The following BRINP2 variants were observed in gnomAD, a reference collection of about 807,000 sequenced individuals.
BRINP2 encodes the protein BMP/retinoic acid-inducible neural-specific protein 2.
Under a neutral mutation model 69.2 loss-of-function variants are expected in BRINP2, and 21 were observed. The ratio of observed to expected loss-of-function variants is 0.30; its 90% CI spans 0.22 to 0.44. BRINP2 has a LOEUF of 0.44. Ranked by LOEUF, BRINP2 falls within the 20% of genes least tolerant of loss-of-function variation. The probability of loss-of-function intolerance (pLI) is 1.00; values close to 1 mark genes in which losing one functional copy is unlikely to be tolerated. For synonymous variants in BRINP2, 380 were observed against 394.1 expected (o/e 0.96, Z 0.42); for missense variants, 877 against 986.0 (o/e 0.89, Z 1.48).
Position 177,192,615 on chromosome 1 carries a change from T to C in BRINP2, c.-77+20883T>C, listed in dbSNP as rs546055195. ...ACATCACTCATCTCCCTGGTATAGA[T>C]GAGTTTCAACTTTTATTACTACCAA... On this transcript the variant is annotated intron_variant, in intron 1 of 7. Transcript: ENST00000361539. 5.3e-5 allele frequency among the ~76,000 whole-genome samples: 8 copies of C among 152,330 alleles called. No homozygotes were observed. The South Asian group carries it at 1.7e-3, about 32-fold the overall frequency.
chr1:177,269,366 A>G (rs1651234589), intron 4 of BRINP2, among the ~76,000 whole-genome samples: 1 of 152,232 alleles, frequency 6.6e-6, no homozygotes, highest in African/African-American at 2.4e-5. Flanking sequence ...ATTCCCCAGA[A>G]GGGATTAGAG....
intron 2 of BRINP2, among the ~76,000 whole-genome samples, chr1:177,246,655 G>A (rs1650394620): frequency 6.6e-6 from 1 of 152,204 alleles, no homozygotes; most frequent in Non-Finnish European, 1.5e-5. Context: ...AATAGAGAAG[G>A]TCAATGTCCC....
chr1:177,272,173 C>A (rs189368041), intron 4 of BRINP2, among the ~76,000 whole-genome samples: 21 of 152,196 alleles, frequency 1.4e-4, no homozygotes, highest in Non-Finnish European at 2.4e-4. Flanking sequence ...GGAACCAACA[C>A]AGATGGTGCC....
intron 4 of BRINP2, among the ~76,000 whole-genome samples, chr1:177,266,813 C>A (rs962098536): frequency 2.7e-5 from 4 of 150,584 alleles, no homozygotes; most frequent in Middle Eastern, 3.5e-3. Flanking sequence ...TTTTGTGAAG[C>A]CTTTCCTAAC....
chr1:177,180,051 ATGGG>A (rs1648201744), intron 1 of BRINP2, among the ~76,000 whole-genome samples: 1 of 152,218 alleles, frequency 6.6e-6, no homozygotes, highest in Non-Finnish European at 1.5e-5. Context: ...AGCAGATGAA[ATGGG>A]TGGGACAAGT....
In BRINP2 at chr1:177,182,190, GC is replaced by G. The variant is rs917080077; in HGVS notation, c.-77+10462del. Among the ~76,000 whole-genome samples the G allele has an allele frequency of 1.7e-4, 23 of 134,772 alleles. No individual in the cohort carries two copies. In the East Asian group the frequency reaches 4.3e-3, roughly 25 times the overall value. 88.4% of individuals were successfully genotyped at this position (134,772 alleles called of 152,430 possible). A position where few individuals can be genotyped will look rare whatever the true frequency, so the allele number is the denominator to read the frequency against. Reference sequence around the variant, plus strand: ...TAGCTCCCTCACTCAGCCTCACTCAGCCCCTGCAGCAATCCAGAGACTGCCC... The same window carrying G: ...TAGCTCCCTCACTCAGCCTCACTCAGCCCTGCAGCAATCCAGAGACTGCCC... On this transcript the variant is annotated intron_variant, in intron 1 of 7. Transcript: ENST00000361539.
rs972500422 is a variant in BRINP2 at position 177,171,240 on chromosome 1, G to A, written c.-569G>A. ...GCAGTGATTTCGGGTGAGAGAGCGG[G>A]TGGGTGAGTCTCTTTAGAGTTGGAA... is the stretch of plus-strand genomic sequence containing the variant. On this transcript the variant is annotated 5_prime_UTR_variant, in exon 1 of 8. In the 5' UTR this introduces an upstream ATG that the reference lacks. Transcript: ENST00000361539. 6.6e-6 allele frequency among the ~76,000 whole-genome samples: 1 copy of A among 152,242 alleles called. No individual in the cohort carries two copies.
At position 177,209,172 on chromosome 1, in the gene BRINP2, G is replaced by T. The variant is rs560378981; in HGVS notation, c.-76-20629G>T. Among the ~76,000 whole-genome samples the T allele has an allele frequency of 2.6e-5, 4 of 152,082 alleles. No homozygotes were observed. The South Asian group carries it at 8.3e-4, about 32-fold the overall frequency. On this transcript the variant is annotated intron_variant, in intron 1 of 7. Transcript: ENST00000361539. ...AGGACAATCTGCATCACAGTATGTG[G>T]TGGCCCTGTAGGGGAAGCAAGGGGT...
rs559412885 is a variant in BRINP2 at position 177,280,944 on chromosome 1, G to A, written c.1768G>A (p.Val590Ile). 28 of 1,614,116 alleles carry A rather than the reference G, an allele frequency of 1.7e-5. No individual in the cohort carries two copies. Among genetic ancestry groups the A allele is most frequent in the South Asian group, 6.6e-5 (6 of 91,074 alleles). Residue 590 changes from valine to isoleucine, a missense_variant, in exon 8 of 8, where the codon GTC becomes ATC. Physicochemically the swap from Val to Ile is conservative, Grantham distance 29. This residue lies in a region of BRINP2 where 86 missense variants were observed against 142.1 expected (regional missense o/e 0.61). Transcript: ENST00000361539. ...STLEPVMAIY[V>I]NPFGGSHSES... ...CCTGGAGCCTGTCATGGCCATCTAC[G>A]TCAACCCCTTTGGGGGCAGCCACTC...
intron 2 of BRINP2, among the ~76,000 whole-genome samples, chr1:177,236,725 T>C (rs555629990): frequency 2.4e-4 from 36 of 152,260 alleles, no homozygotes; most frequent in Admixed American, 2.0e-3. Context: ...GTGGTGTAGA[T>C]ACAGGAGCAG....
At chr1:177,181,391 G>A (rs1454597802) in intron 1 of BRINP2, among the ~76,000 whole-genome samples, 1 of 152,202 alleles carries the variant, frequency 6.6e-6, no homozygotes, top group African/African-American at 2.4e-5. Context: ...AGAACATCAG[G>A]CCCAGCGGCA....
intron 1 of BRINP2, among the ~76,000 whole-genome samples, chr1:177,207,562 G>A (rs989682324): frequency 1.3e-5 from 2 of 152,102 alleles, no homozygotes; most frequent in African/African-American, 4.8e-5. Context: ...TACATGCCTC[G>A]AATCTGGTCC....
chr1:177,278,846 C>T (rs1651598319), intron 7 of BRINP2, 61 bp downstream of exon 7: 1 of 1,521,666 alleles, frequency 6.6e-7, no homozygotes, highest in African/African-American at 1.4e-5. Flanking sequence ...CTGCTGAGGC[C>T]AAGGAGAACC....
In BRINP2 at chr1:177,278,798, T is replaced by C; in HGVS notation, c.1235+13T>C. ...TGCCCAAGGAGAGGTGAGCACCCCC[T>C]GGCTGCTACAGCCAGAGCTCAGCAC... On this transcript the variant is annotated intron_variant, in intron 7 of 7. Coordinates refer to ENST00000361539, the MANE Select transcript of BRINP2 (RefSeq NM_021165.4). 4 of 1,612,752 alleles carry C rather than the reference T, an allele frequency of 2.5e-6. No homozygotes were observed. The highest frequency in any genetic ancestry group is 3.4e-6 in the Non-Finnish European group (4 of 1,179,480).
intron 4 of BRINP2, among the ~76,000 whole-genome samples, chr1:177,273,268 A>G (rs1180370767): frequency 6.6e-6 from 1 of 152,160 alleles, no homozygotes; most frequent in Non-Finnish European, 1.5e-5. Context: ...GCTCTTACTT[A>G]TATATAACTG....
At chr1:177,266,481 T>C (rs539905851) in intron 4 of BRINP2, among the ~76,000 whole-genome samples, 196 of 152,036 alleles carry the variant, frequency 1.3e-3, no homozygotes, top group South Asian at 2.1e-3. Context: ...AACTTTTGGC[T>C]GGGCGCGGTG....
intron 1 of BRINP2, among the ~76,000 whole-genome samples, chr1:177,217,997 G>A (rs1649426223): frequency 1.3e-5 from 2 of 152,216 alleles, no homozygotes; most frequent in African/African-American, 2.4e-5. Flanking sequence ...TGGACTAACT[G>A]CTATGGTCAG....
intron 2 of BRINP2, among the ~76,000 whole-genome samples, chr1:177,235,008 A>T (rs1649975804): frequency 6.6e-6 from 1 of 152,158 alleles, no homozygotes; most frequent in South Asian, 2.1e-4. Context: ...AAACAATAAG[A>T]CTTGGCAATA....
chr1:177,259,271 G>A (rs1650865182), intron 4 of BRINP2, among the ~76,000 whole-genome samples: 1 of 152,174 alleles, frequency 6.6e-6, no homozygotes, highest in South Asian at 2.1e-4. Context: ...CCAGAGTAAG[G>A]CCCTGACTCT....
Sources: allele counts gnomAD v4.1 joint callset (sites outside exome capture counted in the v4.1 genomes callset), GRCh38; gene constraint gnomAD v4.1.1; regional missense constraint gnomAD v4.1.1; transcripts MANE v1.5; gene names NCBI Gene and HGNC (gene_info 2026-07-23, HGNC 2026-07-21).